The following SLCO6A1 variants were observed in gnomAD, a reference collection of about 807,000 sequenced individuals.
SLCO6A1 encodes the protein cancer/testis antigen 48.
In SLCO6A1, 65 loss-of-function variants were observed where a neutral mutation model predicts 72.7. The observed-to-expected ratio is 0.89, with a 90% CI of 0.73 to 1.10. The LOEUF is 1.10. Among genes scored for constraint, SLCO6A1 ranks in the 50% least tolerant of loss-of-function variants. SLCO6A1 has a pLI of 0.00. For synonymous variants in SLCO6A1, 314 were observed against 298.2 expected (o/e 1.05, Z -0.55); for missense variants, 874 against 872.6 (o/e 1.00, Z -0.02).
At chr5:102,389,424 G>C in intron 11 of SLCO6A1, among the ~76,000 whole-genome samples, 1 of 143,696 alleles carries the variant, frequency 7.0e-6, no homozygotes. Flanking sequence ...AGCCAAAAGT[G>C]AGTGAACAGT....
chr5:102,463,359 T>C (rs572082724), intron 4 of SLCO6A1, among the ~76,000 whole-genome samples: 87 of 152,316 alleles, frequency 5.7e-4, no homozygotes, highest in Non-Finnish European at 1.0e-3. Flanking sequence ...GAAAACAGTA[T>C]GGAGATTTCT....
At chr5:102,456,948 C>T (rs1750755237) in intron 6 of SLCO6A1, among the ~76,000 whole-genome samples, 1 of 152,142 alleles carries the variant, frequency 6.6e-6, no homozygotes, top group Non-Finnish European at 1.5e-5. Flanking sequence ...AATAATGCCA[C>T]ATATCTACAA....
chr5:102,485,778 T>C (rs1453520340), intron 1 of SLCO6A1, among the ~76,000 whole-genome samples: 2 of 152,180 alleles, frequency 1.3e-5, no homozygotes, highest in Non-Finnish European at 2.9e-5. Context: ...CAAGAGCTTA[T>C]TTTAAGTCCT....
At chr5:102,377,615 TA>T (rs1318992057) in intron 12 of SLCO6A1, among the ~76,000 whole-genome samples, 1 of 151,732 alleles carries the variant, frequency 6.6e-6, no homozygotes, top group African/African-American at 2.4e-5. Context: ...TTTTTTTTAA[TA>T]AAAAGAGTAT....
chr5:102,443,808 A>G (rs1749967137), intron 6 of SLCO6A1, among the ~76,000 whole-genome samples: 1 of 152,240 alleles, frequency 6.6e-6, no homozygotes, highest in Admixed American at 6.5e-5. Context: ...GGTGAAAGCC[A>G]GATAGATATA....
At chr5:102,452,998 G>A (rs1750506353) in intron 6 of SLCO6A1, among the ~76,000 whole-genome samples, 1 of 152,192 alleles carries the variant, frequency 6.6e-6, no homozygotes, top group Admixed American at 6.5e-5. Flanking sequence ...CCTTTAGCAA[G>A]TTAAGTTCCT....
At chr5:102,379,372 C>T (rs1409679987) in intron 12 of SLCO6A1, among the ~76,000 whole-genome samples, 6 of 151,988 alleles carry the variant, frequency 3.9e-5, no homozygotes, top group Admixed American at 6.6e-5. Flanking sequence ...AATATTCTCC[C>T]ATTTTTCTCA....
At chr5:102,497,303 T>C (rs186604874) in intron 1 of SLCO6A1, among the ~76,000 whole-genome samples, 1 of 152,158 alleles carries the variant, frequency 6.6e-6, no homozygotes, top group Non-Finnish European at 1.5e-5. Context: ...AAAGATCCAA[T>C]AGAGAGTGGC....
intron 1 of SLCO6A1, among the ~76,000 whole-genome samples, chr5:102,492,197 G>A (rs746188323): frequency 7.2e-5 from 11 of 152,152 alleles, no homozygotes; most frequent in Admixed American, 1.3e-4. Context: ...ATTTGGGCAG[G>A]GACACAAATC....
chr5:102,434,508 T>C (rs1166254268), intron 7 of SLCO6A1, among the ~76,000 whole-genome samples: 2 of 152,218 alleles, frequency 1.3e-5, no homozygotes, highest in East Asian at 3.9e-4. Flanking sequence ...CTGTGAGTCA[T>C]AAACTTTATT....
intron 7 of SLCO6A1, among the ~76,000 whole-genome samples, chr5:102,427,744 T>A (rs926211874): frequency 6.6e-6 from 1 of 151,204 alleles, no homozygotes. Context: ...TTTTGGTTCA[T>A]TAATTATGAC....
chr5:102,419,086 T>A (rs1488521094), intron 8 of SLCO6A1, among the ~76,000 whole-genome samples: 2 of 152,278 alleles, frequency 1.3e-5, no homozygotes, highest in East Asian at 3.9e-4. Context: ...AATCAGCAAA[T>A]ACTCTCAGGG....
Position 102,459,949 on chromosome 5 carries a change from A to G in SLCO6A1, c.900-172T>C, listed in dbSNP as rs112024430. On this transcript the variant is annotated intron_variant, in intron 4 of 13. Transcript: ENST00000506729. ...CTATTGTTTGTTTTGTTGAGTGGGA[A>G]TAATTGTGAGTCCCCAATTATGTGC... Among the ~76,000 whole-genome samples the G allele has an allele frequency of 2.1e-3, 317 of 152,272 alleles. 3 individuals are homozygous for G. The highest frequency in any genetic ancestry group is 7.2e-3 in the African/African-American group (301 of 41,574).
intron 1 of SLCO6A1, among the ~76,000 whole-genome samples, chr5:102,491,850 C>T (rs1013916306): frequency 4.6e-5 from 7 of 152,240 alleles, no homozygotes; most frequent in Admixed American, 1.3e-4. Flanking sequence ...GGCGCCAAGG[C>T]GGAGGAGGTG....
intron 6 of SLCO6A1, among the ~76,000 whole-genome samples, chr5:102,446,288 A>T (rs1750104080): frequency 6.6e-6 from 1 of 152,120 alleles, no homozygotes; most frequent in African/African-American, 2.4e-5. Flanking sequence ...ATCTTTGAAC[A>T]TCCTAGTTAG....
intron 8 of SLCO6A1, among the ~76,000 whole-genome samples, chr5:102,418,379 G>A (rs1280133054): frequency 6.6e-6 from 1 of 151,880 alleles, no homozygotes; most frequent in African/African-American, 2.4e-5. Flanking sequence ...ATTTTTATAT[G>A]AAATTTGAAA....
chr5:102,468,135 A>G (rs1751401964), intron 4 of SLCO6A1, among the ~76,000 whole-genome samples: 1 of 152,028 alleles, frequency 6.6e-6, no homozygotes, highest in Non-Finnish European at 1.5e-5. Context: ...ATGTATTTGC[A>G]TGGTTTTGAG....
At chr5:102,459,344 C>A (rs1750902813) in intron 5 of SLCO6A1, among the ~76,000 whole-genome samples, 1 of 152,082 alleles carries the variant, frequency 6.6e-6, no homozygotes, top group Non-Finnish European at 1.5e-5. Context: ...GACTTGAGCC[C>A]AGAAGTTTGA....
At chr5:102,433,326 G>A (rs1417543355) in intron 7 of SLCO6A1, among the ~76,000 whole-genome samples, 1 of 152,188 alleles carries the variant, frequency 6.6e-6, no homozygotes, top group Non-Finnish European at 1.5e-5. Context: ...GTTGTTTGAA[G>A]GAAAGAAGAC....
Sources: allele counts gnomAD v4.1 joint callset (sites outside exome capture counted in the v4.1 genomes callset), GRCh38; gene constraint gnomAD v4.1.1; transcripts MANE v1.5; gene names NCBI Gene and HGNC (gene_info 2026-07-23, HGNC 2026-07-21).